The following ATP4A variants were observed in gnomAD, a reference collection of about 807,000 sequenced individuals.
ATP4A encodes potassium-transporting ATPase alpha chain 1.
Under a neutral mutation model 112.1 loss-of-function variants are expected in ATP4A, and 73 were observed. The ratio of observed to expected loss-of-function variants is 0.65; its 90% CI spans 0.54 to 0.79. ATP4A has a LOEUF of 0.79. ATP4A is among the 30% of genes least tolerant of loss of function. The probability of loss-of-function intolerance (pLI) is 0.00; values close to 1 mark genes in which losing one functional copy is unlikely to be tolerated. For missense variants in ATP4A, 1,081 were observed against 1,425.9 expected (o/e 0.76, Z 3.90); for synonymous variants, 588 against 588.9 (o/e 1.00, Z 0.02).
Position 35,557,222 on chromosome 19 carries a change from T to C in ATP4A, c.1694-134A>G, listed in dbSNP as rs2071636282. On this transcript the variant is annotated intron_variant, in intron 11 of 21. Coordinates refer to ENST00000262623, the MANE Select transcript of ATP4A (RefSeq NM_000704.3). This position sits in a 1 kb window ranked among gnomAD's most constrained non-coding sequence, Gnocchi z 4.4. ...CCTGACCTTGTGCTGACCCCTTCAC[T>C]CACATTATCTGAATCTACCCTCACA... The C allele has an allele frequency of 1.0e-6, 1 of 988,736 alleles. No individual in the cohort carries two copies. The highest frequency in any genetic ancestry group is 1.6e-5 in the African/African-American group (1 of 60,742). 61.2% of individuals were successfully genotyped at this position (988,736 alleles called of 1,614,324 possible).
chr19:35,553,661 C>T (rs762995631), intron 17 of ATP4A, 45 bp downstream of exon 17: 7 of 1,605,572 alleles, frequency 4.4e-6, no homozygotes, highest in Admixed American at 1.7e-5. Flanking sequence ...AGCAGCCCAG[C>T]GCAGAGCCCC....
rs779161461 is a variant in ATP4A, at chr19:35,559,792, T to A, written c.1056+13A>T. 4.3e-6 allele frequency: 7 copies of A among 1,612,056 alleles called. No individual in the cohort carries two copies. Among genetic ancestry groups the A allele is most frequent in the Non-Finnish European group, 5.1e-6 (6 of 1,178,510 alleles). On this transcript the variant is annotated intron_variant, in intron 7 of 21. Transcript: ENST00000262623. The surrounding 1 kb of genome is among the most constrained non-coding windows in gnomAD (Gnocchi z 4.1). ...CCCCTCAGCTCCCTGCATCCCCGCC[T>A]GCCCCCACTCACTGTGACAGTGGCC...
At position 35,550,761 on chromosome 19, in the gene ATP4A, G is replaced by T; in HGVS notation, c.3079+73C>A. 2 of 1,608,374 alleles carry T rather than the reference G, an allele frequency of 1.2e-6. No homozygotes were observed. Among genetic ancestry groups the T allele is most frequent in the South Asian group, 1.1e-5 (1 of 90,930 alleles). On this transcript the variant is annotated intron_variant, in intron 21 of 21. Transcript: ENST00000262623. This position sits in a 1 kb window ranked among gnomAD's most constrained non-coding sequence, Gnocchi z 4.1. ...GTCAAGGGCTTAGAGGCCAAGTGTTGAGGATCAAAGGTGGGTGCAGCTGCT... is the reference window on the plus strand; with the variant it reads ...GTCAAGGGCTTAGAGGCCAAGTGTTTAGGATCAAAGGTGGGTGCAGCTGCT...
chr19:35,559,558 C>T lies in ATP4A; in HGVS notation c.1056+247G>A, dbSNP rs1440007183. On this transcript the variant is annotated intron_variant, in intron 7 of 21. Coordinates refer to ENST00000262623, the MANE Select transcript of ATP4A (RefSeq NM_000704.3). The surrounding 1 kb of genome is among the most constrained non-coding windows in gnomAD (Gnocchi z 4.1). ...TGACATGCTGGCTGCCTGCACAGGA[C>T]ATCAGCCTCTTCCAGTTAAGGACCC... Among the ~76,000 whole-genome samples, 1 of 152,268 alleles carries T rather than the reference C, an allele frequency of 6.6e-6. No individual in the cohort carries two copies. The highest frequency in any genetic ancestry group is 6.5e-5 in the Admixed American group (1 of 15,288).
At position 35,558,598 on chromosome 19, in the gene ATP4A, C is replaced by T. The variant is rs755561994; in HGVS notation, c.1344G>A (p.Gln448=). 2.5e-6 allele frequency: 4 copies of T among 1,603,836 alleles called. No individual in the cohort carries two copies. The highest frequency in any genetic ancestry group is 1.1e-5 in the South Asian group (1 of 88,798). ...TCACCTTGGGCACAGGCACTGCATCCTGGCCGGACTTGAAGGCGGCGCGGT... is the reference window on the plus strand; with the variant it reads ...TCACCTTGGGCACAGGCACTGCATCTTGGCCGGACTTGAAGGCGGCGCGGT... ...LCNRAAFKSG[Q]DAVPVPKRIV... The change falls in exon 9 of 22, where the codon CAG becomes CAA. Residue 448 remains glutamine (Q), a synonymous_variant. Transcript: ENST00000262623. The surrounding 1 kb of genome is among the most constrained non-coding windows in gnomAD (Gnocchi z 5.1).
Position 35,560,878 on chromosome 19 carries a change from A to G in ATP4A, c.475T>C (p.Tyr159His). Residue 159 changes from tyrosine to histidine, a missense_variant, in exon 5 of 22, where the codon TAC becomes CAC. This residue lies in a region of ATP4A where 850 missense variants were observed against 1,068.2 expected (regional missense o/e 0.80). Coordinates refer to ENST00000262623, the MANE Select transcript of ATP4A (RefSeq NM_000704.3). This position sits in a 1 kb window ranked among gnomAD's most constrained non-coding sequence, Gnocchi z 5.1. Reference sequence around the variant, plus strand: ...TTGGTGCTCTTGAATTCCTGGTAGTAGCCAAAGCAGCCGGTGACGACAACC... The same window carrying G: ...TTGGTGCTCTTGAATTCCTGGTAGTGGCCAAAGCAGCCGGTGACGACAACC... Reference protein sequence around the residue: ...AVVVVTGCFGYYQEFKSTNII... With the variant: ...AVVVVTGCFGHYQEFKSTNII... The G allele has an allele frequency of 6.2e-7, 1 of 1,613,956 alleles. No individual in the cohort carries two copies. Among genetic ancestry groups the G allele is most frequent in the Non-Finnish European group, 8.5e-7 (1 of 1,179,948 alleles).
At chr19:35,554,557 TGG>T (rs2071619351) in intron 16 of ATP4A, among the ~76,000 whole-genome samples, 1 of 152,154 alleles carries the variant, frequency 6.6e-6, no homozygotes, top group Non-Finnish European at 1.5e-5. Context: ...CTGTCTGCCA[TGG>T]GGTCTATCTG....
intron 4 of ATP4A, 105 bp downstream of exon 4, chr19:35,562,330 C>G (rs1470799824): frequency 7.5e-7 from 1 of 1,339,782 alleles, no homozygotes; most frequent in Non-Finnish European, 1.0e-6. Flanking sequence ...CTTTCGTGTT[C>G]GTCTATCCCC....
chr19:35,553,880 C>A (rs551213207), intron 16 of ATP4A, 51 bp from the exon 17 acceptor site: 1 of 1,534,228 alleles, frequency 6.5e-7, no homozygotes, highest in South Asian at 1.2e-5. Flanking sequence ...GGGCCCTTGT[C>A]CCCTCCACTT....
intron 18 of ATP4A, 67 bp downstream of exon 18, chr19:35,552,970 G>C: frequency 6.6e-7 from 1 of 1,509,174 alleles, no homozygotes; most frequent in Non-Finnish European, 8.9e-7. Flanking sequence ...CAAGTGGGCC[G>C]CACACAAGGC....
At position 35,560,725 on chromosome 19, in the gene ATP4A, G is replaced by A; in HGVS notation, c.534+94C>T. ...CTGGGACCCATGGGGAGAGATGGAG[G>A]CCACAGATGAGGGACAGGGGCCTGA... On this transcript the variant is annotated intron_variant, in intron 5 of 21. Coordinates refer to ENST00000262623, the MANE Select transcript of ATP4A (RefSeq NM_000704.3). The surrounding 1 kb of genome is among the most constrained non-coding windows in gnomAD (Gnocchi z 5.1). 1.9e-6 allele frequency: 3 copies of A among 1,580,436 alleles called. No individual in the cohort carries two copies. Among genetic ancestry groups the A allele is most frequent in the Non-Finnish European group, 2.6e-6 (3 of 1,151,554 alleles).
rs139075511 is a variant in ATP4A at position 35,560,431 on chromosome 19, G to T, written c.719C>A (p.Pro240His). ...TGESEPQTRS[P>H]ECTHESPLET... ...CAGAGGGCTCTCGTGCGTGCACTCGGGTGAGCGGGTCTGTGGCTCAGACTC... is the reference window on the plus strand; with the variant it reads ...CAGAGGGCTCTCGTGCGTGCACTCGTGTGAGCGGGTCTGTGGCTCAGACTC... The change falls in exon 6 of 22, where the codon CCC (proline) becomes CAC (histidine). Residue 240 changes from proline (P) to histidine (H), a missense_variant. Coordinates refer to ENST00000262623, the MANE Select transcript of ATP4A (RefSeq NM_000704.3). The surrounding 1 kb of genome is among the most constrained non-coding windows in gnomAD (Gnocchi z 5.1). 0.011 allele frequency: 17,484 copies of T among 1,613,960 alleles called. 120 individuals carry two copies. The highest frequency in any genetic ancestry group is 0.034 in the Middle Eastern group (204 of 6,062).
At chr19:35,562,812 T>C (rs2071679378) in intron 3 of ATP4A, among the ~76,000 whole-genome samples, 174 bp from the exon 4 acceptor site, 1 of 143,498 alleles carries the variant, frequency 7.0e-6, no homozygotes, top group Non-Finnish European at 1.5e-5. Context: ...CCTTCATCTC[T>C]CCCTTTGTCT....
At position 35,550,641 on chromosome 19, in the gene ATP4A, A is replaced by G; in HGVS notation, c.3082T>C (p.Trp1028Arg). ...KLGVRCCPGS[W>R]WDQELYY is the part of the protein sequence containing the mutation. ...TAATAGTAGAGTTCCTGGTCCCACC[A>G]GCCTGGGAGAGAGAGGGAGAAAGGA... The change falls in exon 22 of 22, where the codon TGG (tryptophan) becomes CGG (arginine). Residue 1028 changes from tryptophan to arginine, a missense_variant and splice_region_variant. Physicochemically the swap from Trp to Arg is moderately radical, Grantham distance 101. Coordinates refer to ENST00000262623, the MANE Select transcript of ATP4A (RefSeq NM_000704.3). This position sits in a 1 kb window ranked among gnomAD's most constrained non-coding sequence, Gnocchi z 4.1. 6.2e-7 allele frequency: 1 copy of G among 1,613,852 alleles called. No individual in the cohort carries two copies. The highest frequency in any genetic ancestry group is 8.5e-7 in the Non-Finnish European group (1 of 1,179,846).
intron 3 of ATP4A, among the ~76,000 whole-genome samples, 195 bp downstream of exon 3, chr19:35,563,014 C>T (rs2071681055): frequency 6.7e-6 from 1 of 149,416 alleles, no homozygotes. Flanking sequence ...CTCCCTCTCT[C>T]CTCCCCTCCC....
chr19:35,558,123 A>G lies in ATP4A; in HGVS notation c.1500+239T>C. On this transcript the variant is annotated intron_variant, in intron 10 of 21. Coordinates refer to ENST00000262623, the MANE Select transcript of ATP4A (RefSeq NM_000704.3). The surrounding 1 kb of genome is among the most constrained non-coding windows in gnomAD (Gnocchi z 5.1). ...GGAGTTGGGCTGGGGGCGGATTTGGAGAGCGAGGTGCTCCCCATGGACAGT... is the reference window on the plus strand; with the variant it reads ...GGAGTTGGGCTGGGGGCGGATTTGGGGAGCGAGGTGCTCCCCATGGACAGT... 1.6e-6 allele frequency: 1 copy of G among 633,326 alleles called. No individual in the cohort carries two copies. Among genetic ancestry groups the G allele is most frequent in the East Asian group, 2.8e-5 (1 of 35,130 alleles). 39.2% of individuals were successfully genotyped at this position (633,326 alleles called of 1,614,324 possible). A position where few individuals can be genotyped will look rare whatever the true frequency, so the allele number is the denominator to read the frequency against.
rs754600682 is a variant in ATP4A, at chr19:35,553,775, G to C, written c.2536C>G (p.Arg846Gly). ...CTGTCACGCTTTGGGTTGCGTGGACGCAGGTGCATGATGTCACTCTCGGCC... is the reference window on the plus strand; with the variant it reads ...CTGTCACGCTTTGGGTTGCGTGGACCCAGGTGCATGATGTCACTCTCGGCC... Reference protein sequence around the residue: ...EKAESDIMHLRPRNPKRDRLV... With the variant: ...EKAESDIMHLGPRNPKRDRLV... The change falls in exon 17 of 22, where the codon CGT (arginine) becomes GGT (glycine). Residue 846 changes from arginine (R) to glycine (G), a missense_variant. Physicochemically the swap from Arg to Gly is moderately radical, Grantham distance 125. Transcript: ENST00000262623. 2 of 1,609,390 alleles carry C rather than the reference G, an allele frequency of 1.2e-6. No individual in the cohort carries two copies. Among genetic ancestry groups the C allele is most frequent in the South Asian group, 2.2e-5 (2 of 90,244 alleles).
chr19:35,559,167 G>A lies in ATP4A; in HGVS notation c.1081C>T (p.Arg361Cys). 6.2e-7 allele frequency: 1 copy of A among 1,614,088 alleles called. No homozygotes were observed. The highest frequency in any genetic ancestry group is 8.5e-7 in the Non-Finnish European group (1 of 1,180,022). ...VTVCLSLTAK[R>C]LASKNCVVKN... is the part of the protein sequence containing the mutation. ...ACCACGCAGTTCTTACTGGCCAGGCGCTTGGCTGTCAGGGACAGGCAGACC... is the reference window on the plus strand; with the variant it reads ...ACCACGCAGTTCTTACTGGCCAGGCACTTGGCTGTCAGGGACAGGCAGACC... The change falls in exon 8 of 22, where the codon CGC (arginine) becomes TGC (cysteine). Residue 361 changes from arginine (R) to cysteine (C), a missense_variant. Physicochemically the swap from Arg to Cys is radical, Grantham distance 180. Transcript: ENST00000262623. This position sits in a 1 kb window ranked among gnomAD's most constrained non-coding sequence, Gnocchi z 4.1.
In ATP4A at chr19:35,551,289, TG is replaced by T. The variant is rs1568312725; in HGVS notation, c.2885+157del. On this transcript the variant is annotated intron_variant, in intron 19 of 21. Coordinates refer to ENST00000262623, the MANE Select transcript of ATP4A (RefSeq NM_000704.3). This position sits in a 1 kb window ranked among gnomAD's most constrained non-coding sequence, Gnocchi z 5.2. ...CTTTAGTGAAATGTGGAGGGGGCCG[TG>T]GGGGGAGTTATTGGCCAGTTAGAAA... Among the ~76,000 whole-genome samples the T allele has an allele frequency of 6.6e-6, 1 of 151,330 alleles. No individual in the cohort carries two copies. Among genetic ancestry groups the T allele is most frequent in the East Asian group, 1.9e-4 (1 of 5,142 alleles).
Sources: gnomAD v4.1 joint callset for allele counts (sites outside exome capture counted in the v4.1 genomes callset) on GRCh38, gnomAD v4.1.1 for gene constraint, gnomAD v4.1.1 regional missense constraint, Gnocchi (gnomAD v3.1) non-coding constraint, MANE v1.5 for transcripts, NCBI Gene and HGNC (gene_info 2026-07-23, HGNC 2026-07-21) for gene names.